GNAO1: variants seen among roughly 807,000 people sequenced by gnomAD.
The protein encoded by GNAO1 is guanine nucleotide-binding protein G(o) subunit alpha.
For missense variants in GNAO1, 166 were observed against 478.7 expected (o/e 0.35, Z 6.10); for synonymous variants, 164 against 180.7 (o/e 0.91, Z 0.74).
intron 2 of GNAO1, among the ~76,000 whole-genome samples, chr16:56,234,205 A>G (rs1464132441): frequency 6.6e-6 from 1 of 152,224 alleles, no homozygotes; most frequent in African/African-American, 2.4e-5. Context: ...AGGAGGTGAC[A>G]CCCCAAGGAG....
rs1463949066 is a variant in GNAO1 at position 56,356,939 on chromosome 16, T to G, written c.*865T>G. 1 of 151,950 alleles carries G rather than the reference T, an allele frequency of 6.6e-6. No individual in the cohort carries two copies. The highest frequency in any genetic ancestry group is 1.5e-5 in the Non-Finnish European group (1 of 67,910). The allele number at this position is 151,950 out of a possible 1,614,324, so 9.4% of individuals were successfully genotyped here. Reference sequence around the variant, plus strand: ...GTCCCGGCTGACACCTCCCTTCGTGTGTGCGCCCCTCCCCACCCCTGCCTT... The same window carrying G: ...GTCCCGGCTGACACCTCCCTTCGTGGGTGCGCCCCTCCCCACCCCTGCCTT... On this transcript the variant is annotated 3_prime_UTR_variant, in exon 9 of 9. Coordinates refer to ENST00000262493, the MANE Select transcript of GNAO1 (RefSeq NM_020988.3).
chr16:56,242,371 C>A (rs1355262302), intron 2 of GNAO1, among the ~76,000 whole-genome samples: 1 of 152,096 alleles, frequency 6.6e-6, no homozygotes, highest in African/African-American at 2.4e-5. Context: ...CCAAAACAAT[C>A]CTGAAAGAGA....
chr16:56,309,006 G>A (rs780973062), intron 3 of GNAO1, among the ~76,000 whole-genome samples: 3 of 152,072 alleles, frequency 2.0e-5, no homozygotes, highest in Admixed American at 6.5e-5. Flanking sequence ...GTAGCTGGAT[G>A]GGGCTTTAGA....
At chr16:56,269,797 T>TG (rs1205552417) in intron 2 of GNAO1, among the ~76,000 whole-genome samples, 2 of 151,910 alleles carry the variant, frequency 1.3e-5, no homozygotes, top group South Asian at 2.1e-4. Flanking sequence ...CTCCAGAAGT[T>TG]GGGGGGGAAA....
chr16:56,231,549 G>A (rs1196863287), intron 2 of GNAO1, among the ~76,000 whole-genome samples: 1 of 152,202 alleles, frequency 6.6e-6, no homozygotes, highest in Non-Finnish European at 1.5e-5. Context: ...TGTGAGCGGG[G>A]ATTAGAGAGA....
chr16:56,313,495 A>G (rs753611749), intron 3 of GNAO1, among the ~76,000 whole-genome samples: 14 of 152,146 alleles, frequency 9.2e-5, no homozygotes, highest in Non-Finnish European at 1.5e-4. Context: ...ATTTTTGCAA[A>G]TGTCTTTCAT....
chr16:56,332,719 C>G (rs1292991443), intron 4 of GNAO1, among the ~76,000 whole-genome samples: 1 of 152,254 alleles, frequency 6.6e-6, no homozygotes, highest in Non-Finnish European at 1.5e-5. Context: ...ACAGCCGTCT[C>G]CTTGCATGAG....
At chr16:56,201,391 T>C (rs1236842170) in intron 2 of GNAO1, among the ~76,000 whole-genome samples, 1 of 152,162 alleles carries the variant, frequency 6.6e-6, no homozygotes, top group Non-Finnish European at 1.5e-5. Flanking sequence ...GAGCAAAATA[T>C]GTAAGAGGAG....
chr16:56,212,279 C>T (rs143792239), intron 2 of GNAO1, among the ~76,000 whole-genome samples: 223 of 152,292 alleles, frequency 1.5e-3, no homozygotes, highest in African/African-American at 4.8e-3. Context: ...ACCTTTGTCC[C>T]GATGGCTCCA....
chr16:56,248,393 T>C (rs2036769169), intron 2 of GNAO1, among the ~76,000 whole-genome samples: 1 of 152,200 alleles, frequency 6.6e-6, no homozygotes, highest in Non-Finnish European at 1.5e-5. Flanking sequence ...TCCAAAGCCA[T>C]GTACTGAGAA....
At chr16:56,248,275 T>C (rs1266031596) in intron 2 of GNAO1, among the ~76,000 whole-genome samples, 6 of 152,234 alleles carry the variant, frequency 3.9e-5, no homozygotes, top group Non-Finnish European at 8.8e-5. Context: ...TCTTTGTCCA[T>C]GTGTATGAAA....
intron 2 of GNAO1, chr16:56,194,329 G>A (rs2036211179): frequency 2.2e-6 from 1 of 452,240 alleles, no homozygotes. Context: ...TCTGTCTGGA[G>A]CCCTTGCAGA....
chr16:56,206,315 A>G (rs1283169242), intron 2 of GNAO1, among the ~76,000 whole-genome samples: 3 of 143,534 alleles, frequency 2.1e-5, no homozygotes, highest in African/African-American at 5.3e-5. Flanking sequence ...GTGAGACTCC[A>G]TCTCAATTTA....
chr16:56,335,185 C>G (rs2037728858), intron 5 of GNAO1, among the ~76,000 whole-genome samples: 1 of 152,144 alleles, frequency 6.6e-6, no homozygotes, highest in South Asian at 2.1e-4. Flanking sequence ...CCAAGGTCAC[C>G]TTGGGGGGAG....
rs531675162 is a variant in GNAO1, at chr16:56,263,843, C to T, written c.162-12088C>T. 2.1e-3 allele frequency among the ~76,000 whole-genome samples: 319 copies of T among 152,298 alleles called. 2 individuals carry two copies. The highest frequency in any genetic ancestry group is 7.3e-3 in the African/African-American group (305 of 41,560). On this transcript the variant is annotated intron_variant, in intron 2 of 8. Coordinates refer to ENST00000262493, the MANE Select transcript of GNAO1 (RefSeq NM_020988.3). ...CACCTGACCTGTCCAAGAGGCTGGG[C>T]AATATACATAGAAAATGAGTCCAGA...
chr16:56,236,491 G>T (rs2036638330), intron 2 of GNAO1, among the ~76,000 whole-genome samples: 1 of 152,096 alleles, frequency 6.6e-6, no homozygotes, highest in Middle Eastern at 3.2e-3. Context: ...TTCCAGATAG[G>T]TCTGGACCTC....
intron 3 of GNAO1, among the ~76,000 whole-genome samples, chr16:56,303,522 G>A (rs1302606466): frequency 2.0e-5 from 3 of 152,236 alleles, no homozygotes; most frequent in African/African-American, 7.2e-5. Flanking sequence ...ACATGGGAGA[G>A]GCTGGGAAGC....
chr16:56,293,141 G>A (rs767518119), intron 3 of GNAO1, among the ~76,000 whole-genome samples: 15 of 152,226 alleles, frequency 9.9e-5, no homozygotes, highest in Non-Finnish European at 2.1e-4. Flanking sequence ...CTAACTGCAG[G>A]GAAGTCTATG....
chr16:56,203,080 G>T (rs1018952804), intron 2 of GNAO1, among the ~76,000 whole-genome samples: 1 of 152,164 alleles, frequency 6.6e-6, no homozygotes, highest in Non-Finnish European at 1.5e-5. Flanking sequence ...AATTCTCAAA[G>T]GTGCAGAAGA....
Sources: gnomAD v4.1 joint callset for allele counts (sites outside exome capture counted in the v4.1 genomes callset) on GRCh38, gnomAD v4.1.1 for gene constraint, MANE v1.5 for transcripts, NCBI Gene and HGNC (gene_info 2026-07-23, HGNC 2026-07-21) for gene names.